Variants in SEPTIN10 observed in about 807,000 individuals in gnomAD.
SEPTIN10 encodes the protein septin 10.
Under a neutral mutation model 54.8 loss-of-function variants are expected in SEPTIN10, and 66 were observed. The ratio of observed to expected loss-of-function variants is 1.21; its 90% CI spans 0.99 to 1.48. SEPTIN10 has a LOEUF of 1.48. Ranked by LOEUF, SEPTIN10 falls within the 40% of genes most tolerant of loss-of-function variation. The pLI, the probability that SEPTIN10 is intolerant of heterozygous loss-of-function variation, is 0.00. For synonymous variants in SEPTIN10, 161 were observed against 181.0 expected (o/e 0.89, Z 0.89); for missense variants, 620 against 545.6 (o/e 1.14, Z -1.36).
intron 10 of SEPTIN10, chr2:109,545,730 G>A (rs895424772): frequency 4.2e-6 from 6 of 1,437,038 alleles, no homozygotes; most frequent in Non-Finnish European, 4.5e-6. Flanking sequence ...GTGTACTAGG[G>A]CCACGGCTGG....
At position 109,585,177 on chromosome 2, in the gene SEPTIN10, A is replaced by C. The variant is rs762341040; in HGVS notation, c.362T>G (p.Leu121Trp). Reference sequence around the variant, plus strand: ...AAATCCCACTGTATTCACAATGGTCAATTTCAATTGAACATTACTTTCCTG... The same window carrying C: ...AAATCCCACTGTATTCACAATGGTCCATTTCAATTGAACATTACTTTCCTG... ...ELQESNVQLK[L>W]TIVNTVGFGD... The change falls in exon 4 of 11, where the codon TTG becomes TGG. Residue 121 changes from leucine (L) to tryptophan (W), a missense_variant. Leu to Trp is a moderately conservative substitution (Grantham distance 61). Coordinates refer to ENST00000397712, the MANE Select transcript of SEPTIN10 (RefSeq NM_144710.5). 1.2e-6 allele frequency: 2 copies of C among 1,610,230 alleles called. No homozygotes were observed. The highest frequency in any genetic ancestry group is 1.7e-6 in the Non-Finnish European group (2 of 1,178,348).
At chr2:109,568,037 GT>G in intron 5 of SEPTIN10, 61 bp from the exon 6 acceptor site, 1 of 1,288,130 alleles carries the variant, frequency 7.8e-7, no homozygotes, top group Non-Finnish European at 1.1e-6. Context: ...TCCTGCAGCT[GT>G]TTTTTCACTC....
intron 10 of SEPTIN10, chr2:109,545,535 C>G: frequency 6.5e-7 from 1 of 1,535,908 alleles, no homozygotes; most frequent in African/African-American, 1.4e-5. Context: ...AATCGACAGC[C>G]TGGTTCCCTT....
At chr2:109,575,964 G>A (rs559585041) in intron 4 of SEPTIN10, among the ~76,000 whole-genome samples, 9 of 152,238 alleles carry the variant, frequency 5.9e-5, no homozygotes, top group Non-Finnish European at 8.8e-5. Flanking sequence ...TTTTCCACCA[G>A]AACTAGCATA....
At chr2:109,612,283 G>A (rs1177388755) in intron 1 of SEPTIN10, among the ~76,000 whole-genome samples, 1 of 152,140 alleles carries the variant, frequency 6.6e-6, no homozygotes, top group Non-Finnish European at 1.5e-5. Flanking sequence ...ACGAATCACT[G>A]ATTGTCTGGG....
intron 4 of SEPTIN10, among the ~76,000 whole-genome samples, chr2:109,583,611 C>T (rs564728965): frequency 6.6e-6 from 1 of 152,162 alleles, no homozygotes; most frequent in South Asian, 2.1e-4. Flanking sequence ...CCAGAACTAC[C>T]ATTCGACCCA....
At position 109,598,076 on chromosome 2, in the gene SEPTIN10, T is replaced by G. The variant is rs561725190; in HGVS notation, c.31-4957A>C. Among the ~76,000 whole-genome samples the G allele has an allele frequency of 2.4e-4, 37 of 152,284 alleles. No homozygotes were observed. The South Asian group carries it at 3.9e-3, about 16-fold the overall frequency. On this transcript the variant is annotated intron_variant, in intron 1 of 10. Coordinates refer to ENST00000397712, the MANE Select transcript of SEPTIN10 (RefSeq NM_144710.5). The stretch of plus-strand genomic sequence containing the variant: ...ATGTTTTTTTGTTTTGTTTTGTTTT[T>G]TTTGAGATGGAGTCTTGCTCTCGTT...
Position 109,585,193 on chromosome 2 carries a change from T to C in SEPTIN10, c.346A>G (p.Asn116Asp), listed in dbSNP as rs1288567366. The change falls in exon 4 of 11, where the codon AAT (asparagine) becomes GAT (aspartate). Residue 116 changes from asparagine to aspartate, a missense_variant. Asn to Asp is a conservative substitution (Grantham distance 23). Transcript: ENST00000397712. ...KAQTYELQES[N>D]VQLKLTIVNT... is the part of the protein sequence containing the mutation. ...ACAATGGTCAATTTCAATTGAACAT[T>C]ACTTTCCTGGAGTTCATATGTCTGA... 5 of 1,612,232 alleles carry C rather than the reference T, an allele frequency of 3.1e-6. No homozygotes were observed. Among genetic ancestry groups the C allele is most frequent in the Admixed American group, 3.3e-5 (2 of 59,792 alleles).
At chr2:109,554,710 T>C (rs1449201377) in intron 8 of SEPTIN10, among the ~76,000 whole-genome samples, 1 of 152,224 alleles carries the variant, frequency 6.6e-6, no homozygotes, top group Non-Finnish European at 1.5e-5. Context: ...GAACAAAACA[T>C]TGTTATTCAA....
rs932045163 is a variant in SEPTIN10 at position 109,550,762 on chromosome 2, T to A, written c.1161+2325A>T. Among the ~76,000 whole-genome samples, 7 of 152,218 alleles carry A rather than the reference T, an allele frequency of 4.6e-5. No homozygotes were observed. In the East Asian group the frequency reaches 1.3e-3, roughly 29 times the overall value. ...TCTTTGTGTTCACTTAAAAATTCCC[T>A]CAACCAGGGCTCTCGGCTGCCCTCT... On this transcript the variant is annotated intron_variant, in intron 9 of 10. Coordinates refer to ENST00000397712, the MANE Select transcript of SEPTIN10 (RefSeq NM_144710.5).
chr2:109,544,151 G>A lies in SEPTIN10; in HGVS notation c.*158C>T. On this transcript the variant is annotated 3_prime_UTR_variant, in exon 11 of 11. Transcript: ENST00000397712. ...TCACTCTGGCTTATGTATTGACCTT[G>A]TACTTGAAAGTACTTTTCCATAAAT... 6.4e-7 allele frequency: 1 copy of A among 1,551,448 alleles called. No homozygotes were observed.
chr2:109,577,524 G>A (rs1218688425), intron 4 of SEPTIN10, among the ~76,000 whole-genome samples: 2 of 151,816 alleles, frequency 1.3e-5, no homozygotes, highest in Non-Finnish European at 1.5e-5. Flanking sequence ...TGCAGGAGGT[G>A]GAGGTTGCAG....
intron 4 of SEPTIN10, among the ~76,000 whole-genome samples, chr2:109,583,889 A>G (rs1301413484): frequency 6.6e-6 from 1 of 152,210 alleles, no homozygotes; most frequent in African/African-American, 2.4e-5. Context: ...CTCAGGAACA[A>G]AAAACCAAAT....
chr2:109,586,293 A>G (rs897711991), intron 2 of SEPTIN10, among the ~76,000 whole-genome samples: 2 of 152,344 alleles, frequency 1.3e-5, no homozygotes, highest in Non-Finnish European at 2.9e-5. Context: ...CCTACTGGTA[A>G]CAATTACAAG....
chr2:109,593,164 T>A (rs954829061), intron 1 of SEPTIN10, 45 bp from the exon 2 acceptor site: 1 of 1,288,420 alleles, frequency 7.8e-7, no homozygotes, highest in African/African-American at 1.5e-5. Flanking sequence ...GAAACATTAC[T>A]CCCCAAACCC....
At chr2:109,573,201 T>C (rs1264891536) in intron 5 of SEPTIN10, among the ~76,000 whole-genome samples, 1 of 152,102 alleles carries the variant, frequency 6.6e-6, no homozygotes, top group African/African-American at 2.4e-5. Context: ...ACACTGAAAA[T>C]CACTTAAGTC....
At chr2:109,571,443 T>C (rs1688366228) in intron 5 of SEPTIN10, among the ~76,000 whole-genome samples, 1 of 152,222 alleles carries the variant, frequency 6.6e-6, no homozygotes, top group African/African-American at 2.4e-5. Flanking sequence ...ACTATAAGCC[T>C]GTACAGCATG....
chr2:109,549,193 C>T (rs1316834301), intron 9 of SEPTIN10, among the ~76,000 whole-genome samples: 1 of 152,126 alleles, frequency 6.6e-6, no homozygotes, highest in Non-Finnish European at 1.5e-5. Context: ...ACGTGTGCAT[C>T]GGTGATGTGG....
At chr2:109,588,317 T>C (rs560022484) in intron 2 of SEPTIN10, among the ~76,000 whole-genome samples, 68 of 152,228 alleles carry the variant, frequency 4.5e-4, no homozygotes, top group African/African-American at 1.5e-3. Context: ...AAGGTAAATA[T>C]GTGGGTAAAT....
Sources: gnomAD v4.1 joint callset for allele counts (sites outside exome capture counted in the v4.1 genomes callset) on GRCh38, gnomAD v4.1.1 for gene constraint, MANE v1.5 for transcripts, NCBI Gene and HGNC (gene_info 2026-07-23, HGNC 2026-07-21) for gene names.